EHBP1: variants seen among roughly 807,000 people sequenced by gnomAD.
EHBP1 encodes the protein EH domain-binding protein 1.
Under a neutral mutation model 144.0 loss-of-function variants are expected in EHBP1, and 55 were observed. That is an observed-to-expected ratio of 0.38 (90% CI 0.31 to 0.48). The LOEUF (loss-of-function observed/expected upper bound fraction) is 0.48, where lower values mean the gene tolerates loss of function less well. Among genes scored for constraint, EHBP1 ranks in the 20% least tolerant of loss-of-function variants. The pLI is 0.98. For missense variants in EHBP1, 1,200 were observed against 1,364.2 expected, an observed-to-expected ratio of 0.88 and a Z score of 1.90; for synonymous variants, 469 against 472.7, an observed-to-expected ratio of 0.99 and a Z score of 0.10.
intron 10 of EHBP1, among the ~76,000 whole-genome samples, chr2:62,927,517 A>C (rs1401423728): frequency 6.6e-6 from 1 of 152,198 alleles, no homozygotes. Context: ...GTTACAAGAG[A>C]CAAAGGACAT....
rs116433457 is a variant in EHBP1, at chr2:62,711,672, G to A, written c.104+4377G>A. Among the ~76,000 whole-genome samples, 306 of 152,248 alleles carry A rather than the reference G, an allele frequency of 2.0e-3. 1 individual carries two copies. Among genetic ancestry groups the A allele is most frequent in the African/African-American group, 7.0e-3 (291 of 41,532 alleles). On this transcript the variant is annotated intron_variant, in intron 2 of 22. Coordinates refer to ENST00000431489, the MANE Select transcript of EHBP1 (RefSeq NM_001142616.3). ...CCTTGAGGCACTTCAGCATATAGAGGTGAGGAAGGAGAGGAGGAGCCAACA... is the reference window on the plus strand; with the variant it reads ...CCTTGAGGCACTTCAGCATATAGAGATGAGGAAGGAGAGGAGGAGCCAACA...
At chr2:62,697,156 CA>C (rs1188554639) in intron 1 of EHBP1, among the ~76,000 whole-genome samples, 4 of 152,172 alleles carry the variant, frequency 2.6e-5, no homozygotes, top group Non-Finnish European at 5.9e-5. Context: ...AATGTAATTT[CA>C]ATTTTGGCAT....
chr2:62,926,997 A>G (rs1202548966), intron 10 of EHBP1, among the ~76,000 whole-genome samples: 1 of 152,218 alleles, frequency 6.6e-6, no homozygotes, highest in Non-Finnish European at 1.5e-5. Flanking sequence ...GTCATGGAAT[A>G]CTATTTAGCT....
At chr2:62,729,546 TATATATA>T (rs1387718375) in intron 2 of EHBP1, among the ~76,000 whole-genome samples, 2 of 120,328 alleles carry the variant, frequency 1.7e-5, no homozygotes, top group East Asian at 4.1e-4. Flanking sequence ...TAATATATAT[TATATATA>T]ATATATAATA....
At chr2:62,732,065 T>C (rs2037652008) in intron 2 of EHBP1, among the ~76,000 whole-genome samples, 1 of 152,164 alleles carries the variant, frequency 6.6e-6, no homozygotes, top group South Asian at 2.1e-4. Flanking sequence ...CACACTTTTG[T>C]GAGTTTTACC....
chr2:62,949,896 C>A (rs569935158), intron 13 of EHBP1, among the ~76,000 whole-genome samples: 1 of 152,166 alleles, frequency 6.6e-6, no homozygotes, highest in South Asian at 2.1e-4. Context: ...CAAAAAAGAA[C>A]AACATTGTCA....
chr2:62,913,974 A>T (rs2054415286), intron 10 of EHBP1, among the ~76,000 whole-genome samples: 1 of 152,152 alleles, frequency 6.6e-6, no homozygotes. Context: ...TTTTTGTTAC[A>T]TGTTTTTATC....
At chr2:62,723,891 T>G (rs993045418) in intron 2 of EHBP1, among the ~76,000 whole-genome samples, 2 of 152,156 alleles carry the variant, frequency 1.3e-5, no homozygotes, top group Non-Finnish European at 2.9e-5. Context: ...TGACCTGACC[T>G]TTCTCTCTAG....
At chr2:63,016,828 G>A (rs1429170820) in intron 19 of EHBP1, among the ~76,000 whole-genome samples, 1 of 152,152 alleles carries the variant, frequency 6.6e-6, no homozygotes, top group African/African-American at 2.4e-5. Flanking sequence ...TCACAGCCAG[G>A]CAGAAGAACA....
chr2:62,778,025 G>C (rs1456740541), intron 5 of EHBP1, among the ~76,000 whole-genome samples: 3 of 152,110 alleles, frequency 2.0e-5, no homozygotes, highest in Non-Finnish European at 4.4e-5. Context: ...GATTAACTTG[G>C]TTCTTCGTCC....
At chr2:62,863,370 G>A (rs1443008160) in intron 8 of EHBP1, among the ~76,000 whole-genome samples, 1 of 151,768 alleles carries the variant, frequency 6.6e-6, no homozygotes, top group Non-Finnish European at 1.5e-5. Context: ...GAGGCAGGTG[G>A]ATCATTGAGG....
intron 10 of EHBP1, among the ~76,000 whole-genome samples, chr2:62,930,439 C>T (rs1479896124): frequency 2.0e-5 from 3 of 152,106 alleles, no homozygotes; most frequent in Non-Finnish European, 4.4e-5. Context: ...ATATTGTTAA[C>T]ATATCAATAC....
intron 13 of EHBP1, among the ~76,000 whole-genome samples, chr2:62,951,428 G>A (rs2153098362): frequency 6.6e-6 from 1 of 150,892 alleles, no homozygotes; most frequent in Admixed American, 6.7e-5. Flanking sequence ...GACAGCATAT[G>A]TCCACACATA....
chr2:62,900,697 T>C lies in EHBP1; in HGVS notation c.1185+26165T>C, dbSNP rs2053339987. Among the ~76,000 whole-genome samples the C allele has an allele frequency of 2.7e-5, 4 of 150,848 alleles. No individual in the cohort carries two copies. The South Asian group carries it at 8.3e-4, about 31-fold the overall frequency. On this transcript the variant is annotated intron_variant, in intron 10 of 22. Transcript: ENST00000431489. ...GTGTGTGTATGTGTATATATATATATATATATTTTCTTTCTCTGAATTTTA... is the reference window on the plus strand; with the variant it reads ...GTGTGTGTATGTGTATATATATATACATATATTTTCTTTCTCTGAATTTTA...
chr2:62,900,427 G>A (rs2053302368), intron 10 of EHBP1, among the ~76,000 whole-genome samples: 1 of 151,998 alleles, frequency 6.6e-6, no homozygotes, highest in Non-Finnish European at 1.5e-5. Flanking sequence ...TTCAAGACCA[G>A]ACTGGGCAAC....
At chr2:63,020,323 CAAAAAAAAAAAAA>C (rs1001418542) in intron 19 of EHBP1, among the ~76,000 whole-genome samples, 9 of 45,262 alleles carry the variant, frequency 2.0e-4, no homozygotes, top group East Asian at 6.3e-4. Flanking sequence ...GACTCTGTCT[CAAAAAAAAAAAAA>C]AAAAAAAAAA....
intron 4 of EHBP1, among the ~76,000 whole-genome samples, chr2:62,770,021 A>C (rs1325256719): frequency 2.0e-5 from 3 of 152,298 alleles, no homozygotes; most frequent in African/African-American, 7.2e-5. Flanking sequence ...AATCAACTCA[A>C]GATGAGTTGA....
intron 10 of EHBP1, among the ~76,000 whole-genome samples, chr2:62,928,156 G>A (rs1165369143): frequency 6.6e-6 from 1 of 152,180 alleles, no homozygotes; most frequent in Non-Finnish European, 1.5e-5. Context: ...ACACCCCTGT[G>A]GTTAGAGGTT....
intron 19 of EHBP1, among the ~76,000 whole-genome samples, chr2:63,031,457 G>A (rs960561856): frequency 9.2e-5 from 14 of 152,120 alleles, no homozygotes; most frequent in African/African-American, 3.4e-4. Context: ...TACATTAAAT[G>A]TACCTTAAAA....
Sources: gnomAD v4.1 joint callset for allele counts (sites outside exome capture counted in the v4.1 genomes callset) on GRCh38, gnomAD v4.1.1 for gene constraint, MANE v1.5 for transcripts, NCBI Gene and HGNC (gene_info 2026-07-23, HGNC 2026-07-21) for gene names.